The following NRG3 variants were observed in gnomAD, a reference collection of about 807,000 sequenced individuals.
The protein encoded by NRG3 is pro-neuregulin-3, membrane-bound isoform.
Under a neutral mutation model 66.9 loss-of-function variants are expected in NRG3, and 31 were observed. That is an observed-to-expected ratio of 0.46 (90% confidence interval 0.35 to 0.63). The LOEUF (loss-of-function observed/expected upper bound fraction) is 0.63, where lower values mean the gene tolerates loss of function less well. Ranked by LOEUF, NRG3 falls within the 20% of genes least tolerant of loss-of-function variation. The pLI is 0.00. For missense variants in NRG3, 910 were observed against 878.9 expected (o/e 1.04, Z -0.45); for synonymous variants, 393 against 359.4 (o/e 1.09, Z -1.06).
At position 82,581,781 on chromosome 10, in the gene NRG3, A is replaced by T. The variant is rs1050059767; in HGVS notation, c.954-156796A>T. Among the ~76,000 whole-genome samples the T allele has an allele frequency of 1.8e-4, 27 of 151,994 alleles. 1 individual carries two copies. The highest frequency in any genetic ancestry group is 6.3e-4 in the African/African-American group (26 of 41,504). ...TTTACCACCAAAAAATTTGGAAAAA[A>T]CTTCTTCCCAAACCCAAGGTAACCT... On this transcript the variant is annotated intron_variant, in intron 2 of 8. Transcript: ENST00000372141.
Position 82,873,536 on chromosome 10 carries a change from T to C in NRG3, c.1054+8099T>C, listed in dbSNP as rs142975026. Among the ~76,000 whole-genome samples, 1,287 of 152,310 alleles carry C rather than the reference T, an allele frequency of 8.4e-3. 9 individuals carry two copies. The highest frequency in any genetic ancestry group is 0.014 in the Non-Finnish European group (940 of 68,018). On this transcript the variant is annotated intron_variant, in intron 4 of 8. Coordinates refer to ENST00000372141, the MANE Select transcript of NRG3 (RefSeq NM_001010848.4). ...CAAAGGGCATGTCAGACTGGCCATTTTGGAAGGTGCAATAATCACGAAGGA... is the reference window on the plus strand; with the variant it reads ...CAAAGGGCATGTCAGACTGGCCATTCTGGAAGGTGCAATAATCACGAAGGA...
chr10:82,953,969 A>AC (rs1170313075), intron 5 of NRG3, among the ~76,000 whole-genome samples: 2 of 151,412 alleles, frequency 1.3e-5, no homozygotes, highest in Admixed American at 6.6e-5. Context: ...AAAAAAAAAA[A>AC]ACAATGCAAT....
chr10:82,777,814 G>T lies in NRG3; in HGVS notation c.1027+39164G>T, dbSNP rs559327895. ...ATAGCCGTGGCCAAAGCCCTGCAAG[G>T]TTGGCTGCATCAGCAGCAATAACCC... On this transcript the variant is annotated intron_variant, in intron 3 of 8. Transcript: ENST00000372141. 9.4e-4 allele frequency among the ~76,000 whole-genome samples: 143 copies of T among 152,306 alleles called. 1 individual carries two copies. Among genetic ancestry groups the T allele is most frequent in the African/African-American group, 3.3e-3 (138 of 41,566 alleles).
At chr10:82,834,961 T>C (rs1035738626) in intron 3 of NRG3, among the ~76,000 whole-genome samples, 5 of 152,324 alleles carry the variant, frequency 3.3e-5, no homozygotes, top group African/African-American at 1.2e-4. Context: ...TCCAGATGTG[T>C]TAAGGAATTT....
intron 1 of NRG3, among the ~76,000 whole-genome samples, chr10:82,316,266 A>G (rs1564787348): frequency 6.6e-6 from 1 of 152,210 alleles, no homozygotes; most frequent in African/African-American, 2.4e-5. Flanking sequence ...CTAACGTAAG[A>G]TTATAGCAAT....
intron 4 of NRG3, among the ~76,000 whole-genome samples, chr10:82,878,487 C>A (rs1842026820): frequency 6.6e-6 from 1 of 152,268 alleles, no homozygotes; most frequent in African/African-American, 2.4e-5. Flanking sequence ...TTTAAGCAAC[C>A]CTGTGGACAT....
At chr10:82,810,845 A>T (rs548461589) in intron 3 of NRG3, among the ~76,000 whole-genome samples, 86 of 152,098 alleles carry the variant, frequency 5.7e-4, no homozygotes, top group African/African-American at 2.0e-3. Context: ...GACATACAAG[A>T]TATTAATACT....
chr10:82,710,174 A>G (rs2056569482), intron 2 of NRG3, among the ~76,000 whole-genome samples: 1 of 152,258 alleles, frequency 6.6e-6, no homozygotes, highest in Admixed American at 6.5e-5. Context: ...TGTTGGACAT[A>G]TAGCAAGAAA....
At chr10:82,328,543 G>A (rs766465568) in intron 1 of NRG3, among the ~76,000 whole-genome samples, 86 of 152,090 alleles carry the variant, frequency 5.7e-4, no homozygotes, top group Non-Finnish European at 1.9e-4. Flanking sequence ...CTAGAGGAAC[G>A]TGGTTTATGG....
At chr10:82,851,908 A>C (rs1187331626) in intron 3 of NRG3, among the ~76,000 whole-genome samples, 1 of 152,134 alleles carries the variant, frequency 6.6e-6, no homozygotes, top group Non-Finnish European at 1.5e-5. Flanking sequence ...GTGTGATGAG[A>C]CTCAGAGTAT....
intron 2 of NRG3, among the ~76,000 whole-genome samples, chr10:82,546,402 TAAAA>T (rs1410011433): frequency 1.3e-5 from 2 of 152,210 alleles, no homozygotes; most frequent in African/African-American, 4.8e-5. Flanking sequence ...TAGTTTAACT[TAAAA>T]ACAACATGGA....
chr10:82,406,547 T>C (rs1381846814), intron 2 of NRG3, among the ~76,000 whole-genome samples: 1 of 152,124 alleles, frequency 6.6e-6, no homozygotes, highest in East Asian at 1.9e-4. Flanking sequence ...CTCTTAAAGG[T>C]TTCACACCTT....
intron 1 of NRG3, among the ~76,000 whole-genome samples, chr10:82,023,733 G>T (rs1485877209): frequency 2.6e-5 from 4 of 151,680 alleles, no homozygotes; most frequent in Admixed American, 2.6e-4. Context: ...TTTTTTTAAC[G>T]TGTTATTGAA....
intron 1 of NRG3, among the ~76,000 whole-genome samples, chr10:82,123,300 A>C (rs1191308037): frequency 1.3e-5 from 2 of 152,064 alleles, no homozygotes; most frequent in Non-Finnish European, 2.9e-5. Context: ...CACTCATTTG[A>C]CCTCCAAAAT....
At chr10:82,272,915 A>G (rs1040751202) in intron 1 of NRG3, among the ~76,000 whole-genome samples, 4 of 151,996 alleles carry the variant, frequency 2.6e-5, no homozygotes, top group African/African-American at 9.7e-5. Flanking sequence ...GGCCTGTTTA[A>G]GGTTATTAAT....
At position 82,173,351 on chromosome 10, in the gene NRG3, G is replaced by T. The variant is rs561171839; in HGVS notation, c.824-185388G>T. Among the ~76,000 whole-genome samples, 15 of 151,966 alleles carry T rather than the reference G, an allele frequency of 9.9e-5. No homozygotes were observed. In the South Asian group the frequency reaches 1.7e-3, roughly 17 times the overall value. ...GAAAGGCACCAACTGGTACACTACT[G>T]TCAAGACTTAGAAAGTAGGCACACG... On this transcript the variant is annotated intron_variant, in intron 1 of 8. Transcript: ENST00000372141.
intron 4 of NRG3, among the ~76,000 whole-genome samples, chr10:82,892,059 G>A (rs904054939): frequency 2.0e-5 from 3 of 152,100 alleles, no homozygotes; most frequent in African/African-American, 7.2e-5. Flanking sequence ...AAATTGATTA[G>A]TTTTCAAGTG....
intron 1 of NRG3, among the ~76,000 whole-genome samples, chr10:82,138,622 G>A (rs2069536440): frequency 6.6e-6 from 1 of 152,150 alleles, no homozygotes; most frequent in African/African-American, 2.4e-5. Flanking sequence ...TCCCACGATA[G>A]GCCATCTGCA....
At chr10:82,661,799 C>T (rs929779836) in intron 2 of NRG3, among the ~76,000 whole-genome samples, 6 of 152,314 alleles carry the variant, frequency 3.9e-5, no homozygotes, top group South Asian at 2.1e-4. Context: ...CAACACAAAA[C>T]GCAAGCACTA....
Sources: allele counts gnomAD v4.1 joint callset (sites outside exome capture counted in the v4.1 genomes callset), GRCh38; gene constraint gnomAD v4.1.1; transcripts MANE v1.5; gene names NCBI Gene and HGNC (gene_info 2026-07-23, HGNC 2026-07-21).